Variants in NCKAP1 observed in about 807,000 individuals in gnomAD.
The protein encoded by NCKAP1 is nck-associated protein 1.
Under a neutral mutation model 151.2 loss-of-function variants are expected in NCKAP1, and 21 were observed. The ratio of observed to expected loss-of-function variants is 0.14; its 90% CI spans 0.10 to 0.20. NCKAP1 has a LOEUF of 0.20. Among genes scored for constraint, NCKAP1 ranks in the 10% least tolerant of loss-of-function variants. NCKAP1 has a pLI of 1.00. For missense variants in NCKAP1, 933 were observed against 1,352.1 expected, an observed-to-expected ratio of 0.69 and a Z score of 4.86; for synonymous variants, 484 against 451.8, an observed-to-expected ratio of 1.07 and a Z score of -0.90.
chr2:183,037,617 C>T (rs991293851), intron 1 of NCKAP1, among the ~76,000 whole-genome samples: 4 of 152,308 alleles, frequency 2.6e-5, no homozygotes, highest in Non-Finnish European at 4.4e-5. Context: ...GTTTTCCTAC[C>T]CACCTAGAAT....
At chr2:183,032,141 T>G (rs1163730436) in intron 1 of NCKAP1, among the ~76,000 whole-genome samples, 2 of 152,152 alleles carry the variant, frequency 1.3e-5, no homozygotes, top group Admixed American at 1.3e-4. Flanking sequence ...CTATTATGTA[T>G]CCCTGGCTAG....
At chr2:182,961,088 G>T (rs1245482942) in intron 18 of NCKAP1, among the ~76,000 whole-genome samples, 2 of 152,176 alleles carry the variant, frequency 1.3e-5, no homozygotes, top group African/African-American at 4.8e-5. Flanking sequence ...AGCAACAGGT[G>T]CTGGAGAAGA....
At chr2:182,958,239 C>G (rs1186606706) in intron 18 of NCKAP1, among the ~76,000 whole-genome samples, 3 of 152,182 alleles carry the variant, frequency 2.0e-5, no homozygotes, top group African/African-American at 7.2e-5. Context: ...CCTCTGCCTC[C>G]TGGGTTCTCC....
intron 20 of NCKAP1, among the ~76,000 whole-genome samples, chr2:182,954,704 T>C (rs569820717): frequency 6.6e-6 from 1 of 152,106 alleles, no homozygotes; most frequent in Non-Finnish European, 1.5e-5. Context: ...GAGAATTGCT[T>C]GAACTTGGGA....
chr2:182,947,384 A>C (rs1015946029), intron 23 of NCKAP1, among the ~76,000 whole-genome samples: 1 of 152,080 alleles, frequency 6.6e-6, no homozygotes, highest in Non-Finnish European at 1.5e-5. Context: ...AGAAGGCTTT[A>C]CTCTAGGTTT....
At chr2:183,003,422 A>G in intron 2 of NCKAP1, 97 bp from the exon 3 acceptor site, 1 of 735,058 alleles carries the variant, frequency 1.4e-6, no homozygotes, top group Non-Finnish European at 2.3e-6. Flanking sequence ...ATGGAAGCAC[A>G]AGCTTTTAGA....
At chr2:183,008,289 A>G (rs1698520015) in intron 2 of NCKAP1, among the ~76,000 whole-genome samples, 2 of 152,246 alleles carry the variant, frequency 1.3e-5, no homozygotes, top group African/African-American at 2.4e-5. Context: ...ATGTTATGCA[A>G]GATGTTTAAC....
chr2:182,953,895 T>C (rs1318246163), intron 20 of NCKAP1, among the ~76,000 whole-genome samples: 1 of 152,210 alleles, frequency 6.6e-6, no homozygotes, highest in Non-Finnish European at 1.5e-5. Flanking sequence ...GATTTAAGTA[T>C]AAAGAGGGTT....
rs1196032268 is a variant in NCKAP1 at position 182,953,218 on chromosome 2, T to C, written c.2267A>G (p.Tyr756Cys). Residue 756 changes from tyrosine (Y) to cysteine (C), a missense_variant, in exon 21 of 31, where the codon TAT (tyrosine) becomes TGT (cysteine). By Grantham distance (194) the Tyr-to-Cys change is radical. Coordinates refer to ENST00000361354, the MANE Select transcript of NCKAP1 (RefSeq NM_013436.5). Reference sequence around the variant, plus strand: ...TACTCTTGTAATATCAATCTGCACATAGTTTTCTATTGACTGGAGTACGGT... The same window carrying C: ...TACTCTTGTAATATCAATCTGCACACAGTTTTCTATTGACTGGAGTACGGT... ...YMTVLQSIEN[Y>C]VQIDITRVFN... The C allele has an allele frequency of 2.5e-6, 4 of 1,612,802 alleles. No homozygotes were observed. The highest frequency in any genetic ancestry group is 1.1e-5 in the South Asian group (1 of 91,064).
chr2:182,940,891 C>A (rs546547558), intron 24 of NCKAP1, among the ~76,000 whole-genome samples: 1 of 152,320 alleles, frequency 6.6e-6, no homozygotes, highest in Non-Finnish European at 1.5e-5. Flanking sequence ...ATAGTCCTGG[C>A]AACCACAGAT....
intron 4 of NCKAP1, 105 bp downstream of exon 4, chr2:183,002,869 A>G (rs1698400159): frequency 1.3e-6 from 1 of 749,420 alleles, no homozygotes. Flanking sequence ...AATAATGCTA[A>G]AACTTTATAT....
Position 182,911,047 on chromosome 2 carries a change from T to G in NCKAP1, c.*14655A>C, listed in dbSNP as rs1456112505. The G allele has an allele frequency of 6.8e-6, 1 of 146,966 alleles. No individual in the cohort carries two copies. The highest frequency in any genetic ancestry group is 1.5e-5 in the Non-Finnish European group (1 of 66,878). The allele number at this position is 146,966 out of a possible 1,614,324, so 9.1% of individuals were successfully genotyped here. A position where few individuals can be genotyped will look rare whatever the true frequency, so the allele number is the denominator to read the frequency against. ...TCCCGGCCATGATGGGATGGGAGGTTGGGCACATCTCATTATACCCCCTCC... is the reference window on the plus strand; with the variant it reads ...TCCCGGCCATGATGGGATGGGAGGTGGGGCACATCTCATTATACCCCCTCC... On this transcript the variant is annotated 3_prime_UTR_variant, in exon 31 of 31. Transcript: ENST00000361354.
intron 2 of NCKAP1, among the ~76,000 whole-genome samples, chr2:183,010,222 C>A (rs925103758): frequency 1.3e-5 from 2 of 152,188 alleles, no homozygotes; most frequent in African/African-American, 4.8e-5. Flanking sequence ...TTGCTTTGAC[C>A]AACAGAAAGC....
chr2:183,020,280 T>C (rs536218536), intron 2 of NCKAP1, among the ~76,000 whole-genome samples: 13 of 151,822 alleles, frequency 8.6e-5, no homozygotes, highest in East Asian at 1.9e-4. Context: ...CTGGTCAACA[T>C]AGCAAGACCC....
chr2:183,025,359 G>A (rs927738562), intron 1 of NCKAP1, among the ~76,000 whole-genome samples: 1 of 151,922 alleles, frequency 6.6e-6, no homozygotes, highest in African/African-American at 2.4e-5. Flanking sequence ...AAAAAGAAAC[G>A]GTAGCCGAGA....
chr2:182,983,094 G>C (rs77646965), intron 11 of NCKAP1, among the ~76,000 whole-genome samples, 167 bp from the exon 12 acceptor site: 2,219 of 152,260 alleles, frequency 0.015, 54 homozygotes, highest in African/African-American at 0.051. Context: ...GTATGAGAGA[G>C]AGCATGCATA....
At chr2:183,028,957 C>A (rs941672517) in intron 1 of NCKAP1, among the ~76,000 whole-genome samples, 87 of 144,300 alleles carry the variant, frequency 6.0e-4, no homozygotes, top group Non-Finnish European at 9.7e-4. Flanking sequence ...ACTAAAAATA[C>A]AAAAAAAAAA....
intron 6 of NCKAP1, among the ~76,000 whole-genome samples, chr2:182,997,681 G>A (rs1444838276): frequency 1.3e-5 from 2 of 152,082 alleles, no homozygotes; most frequent in Non-Finnish European, 2.9e-5. Flanking sequence ...AGACCAATGA[G>A]TAATCAAATT....
chr2:183,005,018 G>C (rs1698443097), intron 2 of NCKAP1, among the ~76,000 whole-genome samples: 1 of 149,526 alleles, frequency 6.7e-6, no homozygotes, highest in Non-Finnish European at 1.5e-5. Context: ...ACTCTATTTT[G>C]CACAACATTA....
Sources: gnomAD v4.1 joint callset for allele counts (sites outside exome capture counted in the v4.1 genomes callset) on GRCh38, gnomAD v4.1.1 for gene constraint, MANE v1.5 for transcripts, NCBI Gene and HGNC (gene_info 2026-07-23, HGNC 2026-07-21) for gene names.